RIOK2: variants seen among roughly 807,000 people sequenced by gnomAD.
RIOK2 encodes RIO kinase 2, also known as serine/threonine-protein kinase RIO2.
RIOK2 carries 46 observed loss-of-function variants against 62.4 expected under a neutral mutation model. The ratio of observed to expected loss-of-function variants is 0.74; its 90% CI spans 0.58 to 0.94. RIOK2 has a LOEUF of 0.94. Ranked by LOEUF, RIOK2 falls within the 40% of genes least tolerant of loss-of-function variation. RIOK2 has a pLI of 0.00. For synonymous variants in RIOK2, 197 were observed against 216.0 expected (o/e 0.91, Z 0.77); for missense variants, 574 against 658.0 (o/e 0.87, Z 1.40).
At position 97,179,186 on chromosome 5, in the gene RIOK2, AT is replaced by A; in HGVS notation, c.73del (p.Met25TrpfsTer3). ...DDFRVLTAVE[M>X]GMKNHEIVPG... ...AACAATTTCATGGTTCTTCATGCCC[AT>A]TTCAACCTGAAATTAAAGGAATCAT... is the stretch of plus-strand genomic sequence containing the variant. On this transcript the variant is annotated frameshift_variant, in exon 2 of 10. Transcript: ENST00000283109. LOFTEE classifies it high-confidence loss of function. 6.2e-7 allele frequency: 1 copy of A among 1,612,844 alleles called. No homozygotes were observed. The highest frequency in any genetic ancestry group is 8.5e-7 in the Non-Finnish European group (1 of 1,179,774).
chr5:97,180,015 TAATA>T (rs1561522150), intron 1 of RIOK2, among the ~76,000 whole-genome samples: 1 of 60,786 alleles, frequency 1.6e-5, no homozygotes, highest in African/African-American at 6.5e-5. Flanking sequence ...TATATATATA[TAATA>T]TATATATAAT....
chr5:97,176,993 T>C (rs1186247405), intron 4 of RIOK2, 123 bp downstream of exon 4: 2 of 797,110 alleles, frequency 2.5e-6, no homozygotes, highest in Admixed American at 2.4e-5. Context: ...TGAGTCTGTC[T>C]GTAGGAATTG....
intron 4 of RIOK2, among the ~76,000 whole-genome samples, chr5:97,174,400 A>G (rs1203289707): frequency 1.3e-5 from 2 of 152,068 alleles, no homozygotes; most frequent in African/African-American, 4.8e-5. Context: ...AGCCTGGGTG[A>G]TAGAGCAAGA....
chr5:97,173,313 T>A, intron 4 of RIOK2, 50 bp from the exon 5 acceptor site: 1 of 1,130,442 alleles, frequency 8.8e-7, no homozygotes, highest in Non-Finnish European at 1.3e-6. Flanking sequence ...CATTACTCTT[T>A]AAAGAACAAT....
chr5:97,181,311 A>AG (rs1484501199), intron 1 of RIOK2, among the ~76,000 whole-genome samples: 13 of 151,960 alleles, frequency 8.6e-5, no homozygotes, highest in African/African-American at 3.1e-4. Context: ...TAAATAGGAA[A>AG]GGGGCCTATA....
In RIOK2 at chr5:97,179,022, G is replaced by GA. The variant is rs1273533479; in HGVS notation, c.205+32dup. The GA allele has an allele frequency of 1.9e-6, 3 of 1,612,846 alleles. No homozygotes were observed. The African/African-American group carries it at 4.0e-5, about 22-fold the overall frequency. On this transcript the variant is annotated intron_variant, in intron 2 of 9. Coordinates refer to ENST00000283109, the MANE Select transcript of RIOK2 (RefSeq NM_018343.3). ...TTGCTCTGGTGGAAACCAATTACCT[G>GA]AAAAATCACAAATGGTGCCTCAAAA...
intron 7 of RIOK2, among the ~76,000 whole-genome samples, chr5:97,168,230 G>A (rs1748900891): frequency 6.6e-6 from 1 of 152,088 alleles, no homozygotes; most frequent in East Asian, 1.9e-4. Context: ...AAATAAAAAG[G>A]TTATAAAAAC....
chr5:97,175,832 T>A (rs959244960), intron 4 of RIOK2: 2 of 152,224 alleles, frequency 1.3e-5, no homozygotes, highest in Admixed American at 1.3e-4. Context: ...AATATTATCT[T>A]TTGTTTAACT....
chr5:97,167,901 T>C lies in RIOK2; in HGVS notation c.963A>G (p.Pro321=), dbSNP rs1192032076. 6.2e-7 allele frequency: 1 copy of C among 1,612,410 alleles called. No homozygotes were observed. Among genetic ancestry groups the C allele is most frequent in the Admixed American group, 1.7e-5 (1 of 60,024 alleles). ...ADDELLHPLG[P]DDKNIETKEG... ...CTTTTGTTTCAATATTTTTATCATC[T>C]GGACCTAATGGATGAAGCAGTTCAT... The change falls in exon 8 of 10, where the codon CCA becomes CCG. Residue 321 remains proline (P), a synonymous_variant. Transcript: ENST00000283109.
intron 1 of RIOK2, among the ~76,000 whole-genome samples, chr5:97,180,146 A>ATATG (rs1483855537): frequency 6.0e-5 from 2 of 33,108 alleles, no homozygotes; most frequent in African/African-American, 1.2e-4. Context: ...ATATATGTAT[A>ATATG]TATATATATA....
At chr5:97,172,859 T>A (rs1347478783) in intron 5 of RIOK2, among the ~76,000 whole-genome samples, 1 of 152,214 alleles carries the variant, frequency 6.6e-6, no homozygotes, top group African/African-American at 2.4e-5. Flanking sequence ...TTCCTTTAGT[T>A]ATTTATTGCA....
intron 5 of RIOK2, among the ~76,000 whole-genome samples, chr5:97,172,757 A>G (rs1749049055): frequency 1.3e-5 from 2 of 152,248 alleles, no homozygotes; most frequent in South Asian, 4.1e-4. Context: ...ACCACCCTAC[A>G]TAAAACAGTA....
At chr5:97,172,641 T>C (rs891435471) in intron 5 of RIOK2, among the ~76,000 whole-genome samples, 2 of 152,216 alleles carry the variant, frequency 1.3e-5, no homozygotes, top group East Asian at 1.9e-4. Context: ...AGATCACTGA[T>C]TGATGAGATC....
chr5:97,161,481 C>A lies in RIOK2; in HGVS notation c.*1580G>T, dbSNP rs1224425994. The A allele has an allele frequency of 6.6e-6, 1 of 152,066 alleles. No homozygotes were observed. Among genetic ancestry groups the A allele is most frequent in the Non-Finnish European group, 1.5e-5 (1 of 68,002 alleles). The allele number at this position is 152,066 out of a possible 1,614,324, so 9.4% of individuals were successfully genotyped here. On this transcript the variant is annotated 3_prime_UTR_variant, in exon 10 of 10. Coordinates refer to ENST00000283109, the MANE Select transcript of RIOK2 (RefSeq NM_018343.3). ...ACCAAAACAACATATCCAAAAAAAA[C>A]TAAATTCCTTAACAGATCATTTATT...
At chr5:97,182,171 A>G (rs1749431728) in intron 1 of RIOK2, among the ~76,000 whole-genome samples, 1 of 152,038 alleles carries the variant, frequency 6.6e-6, no homozygotes, top group African/African-American at 2.4e-5. Context: ...GTGCCATAAG[A>G]CTGAGGCCAT....
At chr5:97,180,027 A>AATATATATATAATATATATATTAT (rs1301977696) in intron 1 of RIOK2, among the ~76,000 whole-genome samples, 1 of 63,472 alleles carries the variant, frequency 1.6e-5, no homozygotes, top group Admixed American at 2.4e-4. Flanking sequence ...ATATATATAT[A>AATATATATATAATATATATATTAT]ATATATATAT....
chr5:97,167,100 A>T (rs1306408142), intron 8 of RIOK2: 2 of 599,420 alleles, frequency 3.3e-6, no homozygotes, highest in Non-Finnish European at 4.3e-6. Context: ...TATTTTTAGT[A>T]GAGACAGGGT....
At position 97,177,182 on chromosome 5, in the gene RIOK2, A is replaced by G. The variant is rs55822848; in HGVS notation, c.432T>C (p.His144=). ...NLKNKRDYHK[H]RHNVSWLYLS... ...AATATAGCCATGACACATTGTGCCTATGTTTATGATAATCGCGTTTGTTTT... is the reference window on the plus strand; with the variant it reads ...AATATAGCCATGACACATTGTGCCTGTGTTTATGATAATCGCGTTTGTTTT... The change falls in exon 4 of 10, where the codon CAT becomes CAC. Residue 144 remains histidine (H), a synonymous_variant. Coordinates refer to ENST00000283109, the MANE Select transcript of RIOK2 (RefSeq NM_018343.3). 91 of 1,613,394 alleles carry G rather than the reference A, an allele frequency of 5.6e-5. 1 individual carries two copies. In the East Asian group the frequency reaches 1.9e-3, roughly 34 times the overall value.
At position 97,173,277 on chromosome 5, in the gene RIOK2, A is replaced by C. The variant is rs1419196550; in HGVS notation, c.499-14T>G. ...CTCATACAATGCCTAAAATGTTGCA[A>C]AACAGGTGTAAGCTAATGAACAGGT... is the stretch of plus-strand genomic sequence containing the variant. On this transcript the variant is annotated splice_polypyrimidine_tract_variant and intron_variant, in intron 4 of 9. Transcript: ENST00000283109. 3 of 1,568,486 alleles carry C rather than the reference A, an allele frequency of 1.9e-6. No individual in the cohort carries two copies. Among genetic ancestry groups the C allele is most frequent in the Non-Finnish European group, 2.6e-6 (3 of 1,139,428 alleles).
Sources: gnomAD v4.1 joint callset for allele counts (sites outside exome capture counted in the v4.1 genomes callset) on GRCh38, gnomAD v4.1.1 for gene constraint, MANE v1.5 for transcripts, NCBI Gene and HGNC (gene_info 2026-07-23, HGNC 2026-07-21) for gene names.